Variants in GREB1L observed in about 807,000 individuals in gnomAD.
GREB1L encodes the protein GREB1 like retinoic acid receptor coactivator.
Under a neutral mutation model 200.8 loss-of-function variants are expected in GREB1L, and 17 were observed. That is an observed-to-expected ratio of 0.08 (90% CI 0.06 to 0.13). GREB1L has a LOEUF of 0.13. GREB1L is among the 10% of genes least tolerant of loss of function. GREB1L has a pLI of 1.00. For synonymous variants in GREB1L, 789 were observed against 893.0 expected, an observed-to-expected ratio of 0.88 and a Z score of 2.08; for missense variants, 1,657 against 2,367.7, an observed-to-expected ratio of 0.70 and a Z score of 6.23.
chr18:21,401,761 G>A (rs551229200), intron 6 of GREB1L: 1 of 153,092 alleles, frequency 6.5e-6, no homozygotes, highest in Admixed American at 6.5e-5. Context: ...CATAATACCT[G>A]GGAAAATACA....
intron 27 of GREB1L, among the ~76,000 whole-genome samples, chr18:21,509,025 A>T (rs902595596): frequency 2.0e-5 from 3 of 152,212 alleles, no homozygotes; most frequent in African/African-American, 7.2e-5. Flanking sequence ...AGCAAGTTAT[A>T]GGGGGCTGTT....
intron 7 of GREB1L, among the ~76,000 whole-genome samples, chr18:21,411,026 CAGTG>C (rs1444724045): frequency 2.0e-5 from 3 of 151,920 alleles, no homozygotes; most frequent in Non-Finnish European, 2.9e-5. Context: ...TCAATAGAAA[CAGTG>C]AGCAGAAACT....
intron 7 of GREB1L, among the ~76,000 whole-genome samples, chr18:21,429,250 C>T (rs1244552404): frequency 9.3e-6 from 1 of 107,632 alleles, no homozygotes; most frequent in Non-Finnish European, 1.9e-5. Flanking sequence ...CTCCTCTCCT[C>T]TCCTCTCCTG....
intron 23 of GREB1L, among the ~76,000 whole-genome samples, chr18:21,503,460 C>T (rs1406111182): frequency 6.6e-6 from 1 of 152,134 alleles, no homozygotes; most frequent in African/African-American, 2.4e-5. Context: ...CCCACCTCGG[C>T]CTCCCAAAGT....
chr18:21,355,772 GTTCT>G (rs2039494151), intron 1 of GREB1L, among the ~76,000 whole-genome samples: 1 of 152,118 alleles, frequency 6.6e-6, no homozygotes, highest in Admixed American at 6.6e-5. Flanking sequence ...TTGACCCAGA[GTTCT>G]TTCTTTATGA....
chr18:21,490,113 A>G lies in GREB1L; in HGVS notation c.2792A>G (p.His931Arg). ...ALTTMASLRD[H>R]STPETLSIMD... ...ACCACCATGGCGTCACTCCGCGACC[A>G]CAGCACACCAGAAACACTCAGCATT... is the stretch of plus-strand genomic sequence containing the variant. Residue 931 changes from histidine to arginine, a missense_variant, in exon 19 of 33, where the codon CAC becomes CGC. By Grantham distance (29) the His-to-Arg change is conservative. Transcript: ENST00000424526. The G allele has an allele frequency of 2.6e-6, 4 of 1,551,890 alleles. No homozygotes were observed. The highest frequency in any genetic ancestry group is 3.5e-6 in the Non-Finnish European group (4 of 1,147,038).
Position 21,508,098 on chromosome 18 carries a change from TTTC to T in GREB1L, c.4369-14_4369-12del. 1.3e-6 allele frequency: 2 copies of T among 1,550,448 alleles called. No individual in the cohort carries two copies. Among genetic ancestry groups the T allele is most frequent in the South Asian group, 1.2e-5 (1 of 84,046 alleles). ...TGTGGGCTTACTTACGTTCCCTCCCTTTCTTCTTTGCAAATGTAGATGTCTGAC... is the reference window on the plus strand; with the variant it reads ...TGTGGGCTTACTTACGTTCCCTCCCTTTCTTTGCAAATGTAGATGTCTGAC... On this transcript the variant is annotated splice_polypyrimidine_tract_variant and intron_variant, in intron 25 of 32. Coordinates refer to ENST00000424526, the MANE Select transcript of GREB1L (RefSeq NM_001142966.3).
intron 8 of GREB1L, 92 bp downstream of exon 8, chr18:21,439,729 C>G: frequency 2.4e-6 from 2 of 819,842 alleles, no homozygotes; most frequent in Non-Finnish European, 2.0e-6. Flanking sequence ...GCAACACACT[C>G]TAGAGTTTTT....
At chr18:21,515,674 C>T (rs2037391182) in intron 29 of GREB1L, 30 bp downstream of exon 29, 1 of 1,459,316 alleles carries the variant, frequency 6.9e-7, no homozygotes, top group South Asian at 1.2e-5. Flanking sequence ...TGCAGGTAAT[C>T]CTGGCATCTA....
intron 7 of GREB1L, among the ~76,000 whole-genome samples, chr18:21,417,753 G>C (rs556955331): frequency 6.6e-6 from 1 of 152,070 alleles, no homozygotes; most frequent in African/African-American, 2.4e-5. Flanking sequence ...GTACTTTGGG[G>C]CCGAGGCGGG....
intron 7 of GREB1L, among the ~76,000 whole-genome samples, chr18:21,410,937 C>T (rs1367165910): frequency 6.6e-6 from 1 of 151,722 alleles, no homozygotes; most frequent in Non-Finnish European, 1.5e-5. Flanking sequence ...GCCTGGGCAA[C>T]AGAGCTAGGC....
chr18:21,410,595 C>T (rs951128197), intron 7 of GREB1L, among the ~76,000 whole-genome samples: 9 of 151,068 alleles, frequency 6.0e-5, no homozygotes, highest in Non-Finnish European at 1.0e-4. Flanking sequence ...GCAGAGGTTG[C>T]AGGGAGCCAA....
At chr18:21,342,086 A>T (rs2039277483) in intron 1 of GREB1L, among the ~76,000 whole-genome samples, 1 of 152,114 alleles carries the variant, frequency 6.6e-6, no homozygotes, top group Admixed American at 6.5e-5. Flanking sequence ...CATTTAAATT[A>T]TTGGAACCAT....
At chr18:21,405,195 A>G (rs1269655080) in intron 7 of GREB1L, among the ~76,000 whole-genome samples, 1 of 152,240 alleles carries the variant, frequency 6.6e-6, no homozygotes. Flanking sequence ...TCTCTTTAGA[A>G]TAAATGAGAG....
chr18:21,431,919 C>CT (rs773523492), intron 7 of GREB1L, among the ~76,000 whole-genome samples: 1,182 of 91,268 alleles, frequency 0.013, 42 homozygotes, highest in African/African-American at 0.03. Context: ...CTTTTCTTTT[C>CT]TTTTTTTTTT....
intron 1 of GREB1L, among the ~76,000 whole-genome samples, chr18:21,270,910 A>G (rs2144274579): frequency 6.6e-6 from 1 of 152,318 alleles, no homozygotes; most frequent in Admixed American, 6.5e-5. Context: ...CCATCCTTAG[A>G]CATATATGCT....
At chr18:21,340,165 C>G (rs143911210) in intron 1 of GREB1L, among the ~76,000 whole-genome samples, 1,532 of 152,280 alleles carry the variant, frequency 0.01, 31 homozygotes, top group African/African-American at 0.035. Flanking sequence ...CGCCTGTAAT[C>G]CCAGCACTTT....
At chr18:21,403,307 G>A (rs181283479) in intron 6 of GREB1L, among the ~76,000 whole-genome samples, 61 of 152,226 alleles carry the variant, frequency 4.0e-4, no homozygotes, top group African/African-American at 1.3e-3. Flanking sequence ...ATCATGATCC[G>A]TAACCACTTT....
At chr18:21,360,740 C>T (rs886763801) in intron 1 of GREB1L, among the ~76,000 whole-genome samples, 2 of 152,118 alleles carry the variant, frequency 1.3e-5, no homozygotes, top group Admixed American at 6.6e-5. Flanking sequence ...AAATTGAATA[C>T]GTAGAGAAAA....
Sources: allele counts gnomAD v4.1 joint callset (sites outside exome capture counted in the v4.1 genomes callset), GRCh38; gene constraint gnomAD v4.1.1; transcripts MANE v1.5; gene names NCBI Gene and HGNC (gene_info 2026-07-23, HGNC 2026-07-21).